The following SLC2A13 variants were observed in gnomAD, a reference collection of about 807,000 sequenced individuals.
SLC2A13 encodes solute carrier family 2 member 13.
In SLC2A13, 32 loss-of-function variants were observed where a neutral mutation model predicts 64.4. That is an observed-to-expected ratio of 0.50 (90% CI 0.37 to 0.67). The LOEUF (loss-of-function observed/expected upper bound fraction) is 0.67. Among genes scored for constraint, SLC2A13 ranks in the 30% least tolerant of loss-of-function variants. The probability of loss-of-function intolerance (pLI) is 0.00; values close to 1 mark genes in which losing one functional copy is unlikely to be tolerated. For synonymous variants in SLC2A13, 338 were observed against 327.1 expected, an observed-to-expected ratio of 1.03 and a Z score of -0.36; for missense variants, 743 against 829.2, an observed-to-expected ratio of 0.90 and a Z score of 1.28.
At chr12:39,942,012 T>C (rs1565553325) in intron 4 of SLC2A13, among the ~76,000 whole-genome samples, 1 of 152,158 alleles carries the variant, frequency 6.6e-6, no homozygotes, top group East Asian at 1.9e-4. Flanking sequence ...CGAAGATCAG[T>C]TGGCCTTAAG....
intron 3 of SLC2A13, among the ~76,000 whole-genome samples, chr12:40,020,637 T>C (rs1198666105): frequency 3.6e-4 from 55 of 152,000 alleles, no homozygotes; most frequent in Non-Finnish European, 5.9e-5. Flanking sequence ...TAAACTAAAA[T>C]GTCCCAACAC....
At chr12:39,776,088 T>G (rs532333953) in intron 7 of SLC2A13, among the ~76,000 whole-genome samples, 3 of 152,310 alleles carry the variant, frequency 2.0e-5, no homozygotes, top group South Asian at 2.1e-4. Flanking sequence ...ATCTGGGGCT[T>G]CTTCTTCCAT....
At chr12:39,850,504 T>C (rs1412414551) in intron 6 of SLC2A13, among the ~76,000 whole-genome samples, 1 of 152,160 alleles carries the variant, frequency 6.6e-6, no homozygotes, top group Non-Finnish European at 1.5e-5. Flanking sequence ...TTTCTGAATT[T>C]TACTCTAGTC....
chr12:39,898,557 T>C (rs1191851668), intron 4 of SLC2A13, among the ~76,000 whole-genome samples: 5 of 152,090 alleles, frequency 3.3e-5, no homozygotes, highest in African/African-American at 7.2e-5. Flanking sequence ...CCAGGCAAAA[T>C]AGCTGGCTTG....
intron 3 of SLC2A13, among the ~76,000 whole-genome samples, chr12:39,961,424 A>T (rs11174482): frequency 0.15 from 22,602 of 152,178 alleles, 2,087 homozygotes; most frequent in East Asian, 0.5. Flanking sequence ...CCTTGATGAA[A>T]GCTTCTGATA....
intron 4 of SLC2A13, among the ~76,000 whole-genome samples, chr12:39,890,475 A>G (rs1050139185): frequency 6.6e-6 from 1 of 152,278 alleles, no homozygotes; most frequent in Non-Finnish European, 1.5e-5. Context: ...TGAGACAGGG[A>G]GATTATTCTG....
intron 7 of SLC2A13, among the ~76,000 whole-genome samples, chr12:39,791,258 G>A (rs1467513057): frequency 3.6e-5 from 5 of 138,810 alleles, no homozygotes; most frequent in Non-Finnish European, 7.8e-5. Flanking sequence ...CAAACCCACA[G>A]CCAATATCAT....
intron 3 of SLC2A13, among the ~76,000 whole-genome samples, chr12:39,961,364 C>A (rs1380450765): frequency 6.6e-6 from 1 of 152,220 alleles, no homozygotes; most frequent in Non-Finnish European, 1.5e-5. Context: ...CAGGCATGAG[C>A]CACCACGCCT....
At chr12:40,063,579 T>C (rs1306084295) in intron 1 of SLC2A13, among the ~76,000 whole-genome samples, 1 of 152,252 alleles carries the variant, frequency 6.6e-6, no homozygotes, top group East Asian at 1.9e-4. Context: ...TCAAAACCCT[T>C]GCCCAGAAGT....
At chr12:39,963,977 C>G (rs1205177773) in intron 3 of SLC2A13, among the ~76,000 whole-genome samples, 2 of 152,116 alleles carry the variant, frequency 1.3e-5, no homozygotes, top group Non-Finnish European at 2.9e-5. Flanking sequence ...GGCAGAGTAT[C>G]TTTTAAAAAA....
intron 2 of SLC2A13, among the ~76,000 whole-genome samples, chr12:40,030,367 T>C (rs1429773597): frequency 6.6e-6 from 1 of 152,224 alleles, no homozygotes; most frequent in Non-Finnish European, 1.5e-5. Flanking sequence ...GTATGTTTTA[T>C]TGCTGTAAAT....
At chr12:39,879,277 C>G (rs1235556543) in intron 4 of SLC2A13, among the ~76,000 whole-genome samples, 5 of 152,216 alleles carry the variant, frequency 3.3e-5, no homozygotes, top group African/African-American at 7.2e-5. Context: ...AGCCCTCAGA[C>G]AGAGTCCCCT....
intron 4 of SLC2A13, among the ~76,000 whole-genome samples, chr12:39,876,943 T>C (rs1944197723): frequency 6.6e-6 from 1 of 152,160 alleles, no homozygotes; most frequent in African/African-American, 2.4e-5. Flanking sequence ...CTGTAAGACC[T>C]TAAAGATTTC....
chr12:39,820,889 C>T (rs999415400), intron 7 of SLC2A13, among the ~76,000 whole-genome samples: 1 of 151,622 alleles, frequency 6.6e-6, no homozygotes, highest in African/African-American at 2.4e-5. Flanking sequence ...ATTCCTTCTT[C>T]CTTCTTATAT....
intron 7 of SLC2A13, among the ~76,000 whole-genome samples, chr12:39,812,871 G>A (rs1942225326): frequency 1.5e-5 from 2 of 135,658 alleles, no homozygotes; most frequent in African/African-American, 2.8e-5. Flanking sequence ...GTCTCACTCT[G>A]TCACCCAGGC....
rs572108135 is a variant in SLC2A13, at chr12:40,048,331, A to T, written c.557-121T>A. The T allele has an allele frequency of 3.3e-5, 30 of 906,108 alleles. No homozygotes were observed. The South Asian group carries it at 6.9e-4, about 21-fold the overall frequency. 56.1% of individuals were successfully genotyped at this position (906,108 alleles called of 1,614,324 possible). On this transcript the variant is annotated intron_variant, in intron 1 of 9. Coordinates refer to ENST00000280871, the MANE Select transcript of SLC2A13 (RefSeq NM_052885.4). ...GGGCTTGGTTTTCTACTTTAAGCAAAGGTTTACCACATATTTAAGATTTTG... is the reference window on the plus strand; with the variant it reads ...GGGCTTGGTTTTCTACTTTAAGCAATGGTTTACCACATATTTAAGATTTTG...
chr12:40,060,077 A>G (rs901643145), intron 1 of SLC2A13, among the ~76,000 whole-genome samples: 7 of 152,084 alleles, frequency 4.6e-5, no homozygotes, highest in Admixed American at 1.3e-4. Context: ...ATATTAATGG[A>G]CGGATGGATG....
chr12:39,760,766 T>C (rs1394919929), intron 9 of SLC2A13, among the ~76,000 whole-genome samples: 1 of 152,010 alleles, frequency 6.6e-6, no homozygotes, highest in Admixed American at 6.6e-5. Flanking sequence ...TGCATGTCAA[T>C]GCAGAACAGC....
chr12:39,804,104 G>A (rs867363176), intron 7 of SLC2A13, among the ~76,000 whole-genome samples: 11 of 151,932 alleles, frequency 7.2e-5, no homozygotes, highest in South Asian at 2.1e-4. Context: ...TTGATGAAAA[G>A]GCAGTTGGTT....
Sources: gnomAD v4.1 joint callset for allele counts (sites outside exome capture counted in the v4.1 genomes callset) on GRCh38, gnomAD v4.1.1 for gene constraint, MANE v1.5 for transcripts, NCBI Gene and HGNC (gene_info 2026-07-23, HGNC 2026-07-21) for gene names.